REXO5: variants seen among roughly 807,000 people sequenced by gnomAD.
REXO5 encodes the protein exonuclease NEF-sp.
Under a neutral mutation model 88.5 loss-of-function variants are expected in REXO5, and 48 were observed. The observed-to-expected ratio is 0.54, with a 90% CI of 0.43 to 0.69. REXO5 has a LOEUF of 0.69. Ranked by LOEUF, REXO5 falls within the 30% of genes least tolerant of loss-of-function variation. REXO5 has a pLI of 0.00. For synonymous variants in REXO5, 311 were observed against 336.5 expected, an observed-to-expected ratio of 0.92 and a Z score of 0.83; for missense variants, 749 against 912.2, an observed-to-expected ratio of 0.82 and a Z score of 2.30.
intron 13 of REXO5, among the ~76,000 whole-genome samples, chr16:20,836,613 C>G (rs1260666314): frequency 2.6e-5 from 4 of 152,178 alleles, no homozygotes; most frequent in Non-Finnish European, 5.9e-5. Flanking sequence ...TTCATGTGTA[C>G]ATAAGTTTCA....
At chr16:20,844,947 C>A in intron 17 of REXO5, 102 bp downstream of exon 17, 1 of 1,524,742 alleles carries the variant, frequency 6.6e-7, no homozygotes, top group South Asian at 1.2e-5. Flanking sequence ...TGGACCAGGG[C>A]AGCAGTTCCT....
At chr16:20,847,455 AG>A (rs1366463973) in intron 19 of REXO5, among the ~76,000 whole-genome samples, 1 of 151,442 alleles carries the variant, frequency 6.6e-6, no homozygotes, top group Non-Finnish European at 1.5e-5. Context: ...AAAAAAAAAA[AG>A]ATTCTTACAT....
intron 14 of REXO5, 191 bp from the exon 15 acceptor site, chr16:20,840,140 T>G: frequency 1.9e-6 from 1 of 536,498 alleles, no homozygotes; most frequent in Non-Finnish European, 3.2e-6. Flanking sequence ...TTCTGCTATA[T>G]GATATACCTA....
chr16:20,845,003 G>T, intron 17 of REXO5, 51 bp from the exon 18 acceptor site: 1 of 1,590,544 alleles, frequency 6.3e-7, no homozygotes, highest in South Asian at 1.1e-5. Context: ...CTTGGATGGT[G>T]ATCAGCTTTC....
intron 18 of REXO5, among the ~76,000 whole-genome samples, chr16:20,845,920 A>G (rs1337258013): frequency 6.6e-6 from 1 of 152,292 alleles, no homozygotes; most frequent in East Asian, 1.9e-4. Flanking sequence ...ACTTAATGGC[A>G]GAAGCCAGAC....
At chr16:20,812,677 A>G (rs1158842768) in intron 2 of REXO5, among the ~76,000 whole-genome samples, 3 of 152,082 alleles carry the variant, frequency 2.0e-5, no homozygotes, top group African/African-American at 7.2e-5. Flanking sequence ...TCATACCTCC[A>G]CTACTATGCA....
At chr16:20,814,268 G>T (rs1026528764) in intron 3 of REXO5, among the ~76,000 whole-genome samples, 1 of 152,014 alleles carries the variant, frequency 6.6e-6, no homozygotes, top group African/African-American at 2.4e-5. Flanking sequence ...ATGGAGCCTC[G>T]CTCTGTCACC....
At chr16:20,807,175 A>G (rs1332901139) in intron 2 of REXO5, 84 bp downstream of exon 2, 2 of 1,495,424 alleles carry the variant, frequency 1.3e-6, no homozygotes, top group African/African-American at 2.8e-5. Context: ...GGGGCACTGG[A>G]TTCGGGCGGG....
In REXO5 at chr16:20,813,244, C is replaced by T. The variant is rs764478845; in HGVS notation, c.193C>T (p.Gln65Ter). 1.2e-5 allele frequency: 20 copies of T among 1,613,988 alleles called. No homozygotes were observed. The South Asian group carries it at 2.0e-4, about 16-fold the overall frequency. Residue 65 changes from glutamine to a stop codon, truncating the protein, a stop_gained, in exon 3 of 20, where the codon CAG becomes TAG. Coordinates refer to ENST00000261377, the MANE Select transcript of REXO5 (RefSeq NM_030941.3). LOFTEE classifies it high-confidence loss of function. ...TGACAACTGTGAAGTAACCCATGAC[C>T]AGCTGTGTGAATTGCTGAAGTATGC... ...FTDNCEVTHD[Q>*]LCELLKYAVL...
intron 6 of REXO5, chr16:20,823,374 A>C (rs957796553): frequency 2.0e-5 from 3 of 152,180 alleles, no homozygotes; most frequent in African/African-American, 7.2e-5. Context: ...CAGTCCTATG[A>C]TATATGAACT....
At chr16:20,828,870 GGAGGCAGAGGTTGCAGT>G (rs1386557245) in intron 11 of REXO5, among the ~76,000 whole-genome samples, 1 of 151,810 alleles carries the variant, frequency 6.6e-6, no homozygotes, top group African/African-American at 2.4e-5. Context: ...GAGGTTGCGG[GGAGGCAGAGGTTGCAGT>G]GAGCCGAGAT....
intron 2 of REXO5, 34 bp downstream of exon 2, chr16:20,807,125 G>T: frequency 1.3e-6 from 2 of 1,577,836 alleles, no homozygotes; most frequent in East Asian, 4.6e-5. Flanking sequence ...GGCGGCCCTA[G>T]GCGGTTTGGA....
In REXO5 at chr16:20,815,011, G is replaced by T. The variant is rs1238405835; in HGVS notation, c.336G>T (p.Arg112Ser). ...LQGMSQLHFY[R>S]FYLEFGCLRK... Reference sequence around the variant, plus strand: ...GAATGAGTCAGCTACACTTTTACAGGTTCTATTTGGAGTTTGGATGTCTTC... The same window carrying T: ...GAATGAGTCAGCTACACTTTTACAGTTTCTATTTGGAGTTTGGATGTCTTC... Residue 112 changes from arginine to serine, a missense_variant, in exon 4 of 20, where the codon AGG becomes AGT. Coordinates refer to ENST00000261377, the MANE Select transcript of REXO5 (RefSeq NM_030941.3). 1.2e-6 allele frequency: 2 copies of T among 1,613,600 alleles called. No individual in the cohort carries two copies. The highest frequency in any genetic ancestry group is 1.7e-6 in the Non-Finnish European group (2 of 1,179,912).
chr16:20,836,289 A>G (rs920465363), intron 13 of REXO5, among the ~76,000 whole-genome samples: 1 of 152,210 alleles, frequency 6.6e-6, no homozygotes, highest in East Asian at 1.9e-4. Flanking sequence ...TCTGTGATGA[A>G]TGTGCTCTGC....
chr16:20,818,008 A>G (rs1057265311), intron 5 of REXO5, among the ~76,000 whole-genome samples: 13 of 152,116 alleles, frequency 8.5e-5, no homozygotes, highest in Non-Finnish European at 1.5e-4. Context: ...TCTCTAAGAC[A>G]CCAGTGTTGA....
intron 19 of REXO5, among the ~76,000 whole-genome samples, chr16:20,849,105 T>C (rs1207747780): frequency 6.6e-6 from 1 of 152,266 alleles, no homozygotes; most frequent in Non-Finnish European, 1.5e-5. Context: ...ATGTTTGCTA[T>C]TGTCGATAGT....
intron 11 of REXO5, among the ~76,000 whole-genome samples, chr16:20,831,300 G>A (rs2081340843): frequency 6.6e-6 from 1 of 152,088 alleles, no homozygotes; most frequent in Non-Finnish European, 1.5e-5. Context: ...AGTTGGAGAA[G>A]GAAGGACCTC....
intron 3 of REXO5, 38 bp downstream of exon 3, chr16:20,813,340 G>GTTTATT: frequency 1.0e-6 from 1 of 977,336 alleles, no homozygotes; most frequent in Non-Finnish European, 1.5e-6. Flanking sequence ...TTGACCAGCG[G>GTTTATT]TTTCTTTTTT....
chr16:20,848,133 C>T (rs2081638750), intron 19 of REXO5, among the ~76,000 whole-genome samples: 1 of 152,202 alleles, frequency 6.6e-6, no homozygotes, highest in Non-Finnish European at 1.5e-5. Context: ...AACTCAGCAG[C>T]AGTAGCATGC....
Sources: allele counts gnomAD v4.1 joint callset (sites outside exome capture counted in the v4.1 genomes callset), GRCh38; gene constraint gnomAD v4.1.1; transcripts MANE v1.5; gene names NCBI Gene and HGNC (gene_info 2026-07-23, HGNC 2026-07-21).